CNTNAP2: variants seen among roughly 807,000 people sequenced by gnomAD.
CNTNAP2 encodes the protein contactin associated protein 2.
CNTNAP2 carries 98 observed loss-of-function variants against 155.2 expected under a neutral mutation model. That is an observed-to-expected ratio of 0.63 (90% CI 0.54 to 0.75). The LOEUF (loss-of-function observed/expected upper bound fraction) is 0.75. CNTNAP2 is among the 30% of genes least tolerant of loss of function. CNTNAP2 has a pLI of 0.00. For missense variants in CNTNAP2, 1,727 were observed against 1,688.1 expected, an observed-to-expected ratio of 1.02 and a Z score of -0.40; for synonymous variants, 651 against 631.2, an observed-to-expected ratio of 1.03 and a Z score of -0.47.
At chr7:148,133,655 G>A (rs1585143762) in intron 16 of CNTNAP2, 1 of 152,250 alleles carries the variant, frequency 6.6e-6, no homozygotes, top group East Asian at 1.9e-4. Context: ...GAACCAGCGT[G>A]AACACATTCC....
intron 1 of CNTNAP2, among the ~76,000 whole-genome samples, chr7:146,149,052 G>A (rs958425218): frequency 1.3e-5 from 2 of 151,730 alleles, no homozygotes; most frequent in Non-Finnish European, 2.9e-5. Context: ...GATGGGGGAG[G>A]GAAGGCATTA....
At chr7:146,922,975 A>G (rs1014964883) in intron 3 of CNTNAP2, among the ~76,000 whole-genome samples, 4 of 152,190 alleles carry the variant, frequency 2.6e-5, no homozygotes, top group African/African-American at 9.6e-5. Flanking sequence ...GCTTGACAAC[A>G]TAAGGGAAAA....
chr7:146,398,442 C>T (rs1795666113), intron 1 of CNTNAP2, among the ~76,000 whole-genome samples: 1 of 151,984 alleles, frequency 6.6e-6, no homozygotes, highest in African/African-American at 2.4e-5. Flanking sequence ...ATGCGAATAG[C>T]GTGGAGGAAA....
intron 13 of CNTNAP2, among the ~76,000 whole-genome samples, chr7:147,648,196 G>T (rs1356444854): frequency 6.6e-6 from 1 of 152,122 alleles, no homozygotes; most frequent in Non-Finnish European, 1.5e-5. Context: ...CATTGGAGAG[G>T]TTCAGATTAA....
At chr7:148,103,299 T>C (rs1456490439) in intron 15 of CNTNAP2, among the ~76,000 whole-genome samples, 1 of 151,958 alleles carries the variant, frequency 6.6e-6, no homozygotes, top group Non-Finnish European at 1.5e-5. Context: ...CTTTTCCCTT[T>C]GGCTTAGTAA....
chr7:147,044,194 A>T, intron 4 of CNTNAP2, 140 bp downstream of exon 4: 1 of 822,078 alleles, frequency 1.2e-6, no homozygotes, highest in Non-Finnish European at 1.9e-6. Flanking sequence ...GTATCTATGC[A>T]TAGATACATA....
intron 1 of CNTNAP2, among the ~76,000 whole-genome samples, chr7:146,389,703 C>CTTTTTTTTTTTTTT (rs750823074): frequency 7.8e-6 from 1 of 129,016 alleles, no homozygotes; most frequent in Admixed American, 7.8e-5. Context: ...TTTCTTTTTT[C>CTTTTTTTTTTTTTT]TTTTTTTTTT....
intron 15 of CNTNAP2, among the ~76,000 whole-genome samples, chr7:148,109,406 TGGA>T (rs1804295711): frequency 6.6e-6 from 1 of 152,104 alleles, no homozygotes; most frequent in African/African-American, 2.4e-5. Flanking sequence ...TTGTTTGAGA[TGGA>T]GTTTCGCTCT....
At chr7:146,182,996 C>A (rs2116839031) in intron 1 of CNTNAP2, among the ~76,000 whole-genome samples, 1 of 152,268 alleles carries the variant, frequency 6.6e-6, no homozygotes, top group African/African-American at 2.4e-5. Context: ...TTATACATTA[C>A]CATTTAATTC....
chr7:148,217,319 G>C lies in CNTNAP2; in HGVS notation c.3042G>C (p.Trp1014Cys). The C allele has an allele frequency of 6.2e-7, 1 of 1,613,928 alleles. No homozygotes were observed. The highest frequency in any genetic ancestry group is 1.1e-5 in the South Asian group (1 of 91,060). Residue 1014 changes from tryptophan (W) to cysteine (C), a missense_variant, in exon 19 of 24, where the codon TGG (tryptophan) becomes TGC (cysteine). Trp to Cys is a radical substitution (Grantham distance 215). Coordinates refer to ENST00000361727, the MANE Select transcript of CNTNAP2 (RefSeq NM_014141.6). ...GTGCATTTTTTGAAGAAGGGATGTG[G>C]CTACGATATAACTTTCAGGCACCAG... is the stretch of plus-strand genomic sequence containing the variant. Reference protein sequence around the residue: ...DVGAFFEEGMWLRYNFQAPAT... With the variant: ...DVGAFFEEGMCLRYNFQAPAT...
At chr7:147,149,762 T>C (rs1801789510) in intron 8 of CNTNAP2, among the ~76,000 whole-genome samples, 1 of 152,202 alleles carries the variant, frequency 6.6e-6, no homozygotes, top group Non-Finnish European at 1.5e-5. Flanking sequence ...ATACAGATTA[T>C]GGAGTGGGAG....
chr7:148,103,747 CTATT>C (rs1292055716), intron 15 of CNTNAP2, among the ~76,000 whole-genome samples: 2 of 152,132 alleles, frequency 1.3e-5, no homozygotes, highest in Non-Finnish European at 2.9e-5. Context: ...TTTGGATGCA[CTATT>C]TATTTTTATA....
chr7:147,885,731 C>G (rs540936330), intron 13 of CNTNAP2, among the ~76,000 whole-genome samples: 1 of 152,286 alleles, frequency 6.6e-6, no homozygotes, highest in African/African-American at 2.4e-5. Flanking sequence ...TGTCGGCCAA[C>G]CTTTACCCTT....
At chr7:146,903,714 G>T (rs1796053023) in intron 3 of CNTNAP2, among the ~76,000 whole-genome samples, 1 of 152,178 alleles carries the variant, frequency 6.6e-6, no homozygotes, top group African/African-American at 2.4e-5. Flanking sequence ...CCTGCAGAGA[G>T]AGAGGAAAGG....
intron 3 of CNTNAP2, among the ~76,000 whole-genome samples, chr7:146,860,667 A>G (rs1489499491): frequency 6.6e-6 from 1 of 152,222 alleles, no homozygotes; most frequent in Non-Finnish European, 1.5e-5. Context: ...GTTAGTTTAA[A>G]ATGTATTGTC....
intron 8 of CNTNAP2, among the ~76,000 whole-genome samples, chr7:147,172,900 T>G (rs1802261255): frequency 6.6e-6 from 1 of 152,148 alleles, no homozygotes. Flanking sequence ...CCCTGCTTCT[T>G]TAAGTGTTAT....
chr7:147,651,001 T>A (rs771835577), intron 13 of CNTNAP2, among the ~76,000 whole-genome samples: 11 of 152,138 alleles, frequency 7.2e-5, no homozygotes, highest in Non-Finnish European at 1.6e-4. Context: ...CCTCCCCTGT[T>A]TGAAGAGGTT....
intron 1 of CNTNAP2, among the ~76,000 whole-genome samples, chr7:146,359,428 A>G (rs1183991389): frequency 6.6e-6 from 1 of 152,214 alleles, no homozygotes; most frequent in East Asian, 1.9e-4. Context: ...CTATGCTGTC[A>G]TTCTAACTCT....
At chr7:147,223,428 G>A (rs1262027177) in intron 8 of CNTNAP2, among the ~76,000 whole-genome samples, 2 of 152,166 alleles carry the variant, frequency 1.3e-5, no homozygotes, top group African/African-American at 4.8e-5. Context: ...AGCTTCATGA[G>A]ATGGATGGAA....
Sources: gnomAD v4.1 joint callset for allele counts (sites outside exome capture counted in the v4.1 genomes callset) on GRCh38, gnomAD v4.1.1 for gene constraint, MANE v1.5 for transcripts, NCBI Gene and HGNC (gene_info 2026-07-23, HGNC 2026-07-21) for gene names.